EYS: variants seen among roughly 807,000 people sequenced by gnomAD.
The protein encoded by EYS is protein eyes shut homolog.
A neutral mutation model predicts 282.1 loss-of-function variants in EYS; 250 were observed. The ratio of observed to expected loss-of-function variants is 0.89; its 90% CI spans 0.80 to 0.98. The LOEUF is 0.98. EYS is among the 50% of genes least tolerant of loss of function. The pLI, the probability that EYS is intolerant of heterozygous loss-of-function variation, is 0.00. For synonymous variants in EYS, 1,355 were observed against 1,282.9 expected (o/e 1.06, Z -1.20); for missense variants, 4,016 against 3,709.0 (o/e 1.08, Z -2.15).
At chr6:64,780,809 T>A (rs1465070956) in intron 22 of EYS, among the ~76,000 whole-genome samples, 1 of 152,206 alleles carries the variant, frequency 6.6e-6, no homozygotes, top group Admixed American at 6.5e-5. Context: ...AAAAAAATTA[T>A]TCTATAGAGG....
intron 2 of EYS, among the ~76,000 whole-genome samples, chr6:65,518,589 T>C (rs1177840093): frequency 6.6e-6 from 1 of 152,176 alleles, no homozygotes; most frequent in Non-Finnish European, 1.5e-5. Context: ...TGTGGTATCA[T>C]CTTAAAATTA....
chr6:65,612,871 GT>G (rs200482422), intron 2 of EYS, among the ~76,000 whole-genome samples: 1 of 150,868 alleles, frequency 6.6e-6, no homozygotes, highest in Non-Finnish European at 1.5e-5. Flanking sequence ...TAAGTATTTT[GT>G]TTTTTTTACT....
In EYS at chr6:65,353,454, T is replaced by C. The variant is rs1449947745; in HGVS notation, c.1459+4A>G. 1.2e-6 allele frequency: 2 copies of C among 1,612,598 alleles called. No individual in the cohort carries two copies. Among genetic ancestry groups the C allele is most frequent in the Admixed American group, 3.3e-5 (2 of 59,976 alleles). On this transcript the variant is annotated splice_donor_region_variant and intron_variant, in intron 9 of 42. Coordinates refer to ENST00000503581, the MANE Select transcript of EYS (RefSeq NM_001142800.2). ...GATTGAAAAAAATTACATAAATTTG[T>C]TACCTGCAAATCCCAATTGCCACAC...
chr6:65,405,287 C>A lies in EYS; in HGVS notation c.943G>T (p.Ala315Ser), dbSNP rs771167869. Residue 315 changes from alanine (A) to serine (S), a missense_variant, in exon 6 of 43, where the codon GCT becomes TCT. Transcript: ENST00000503581. ...CCTTTTGGGCATTCATAAGTATAAG[C>A]AGAACTGCTATTTGGGCAAATTCCT... ...KRGICPNSSS[A>S]YTYECPKGSS... is the part of the protein sequence containing the mutation. 6.2e-7 allele frequency: 1 copy of A among 1,612,566 alleles called. No individual in the cohort carries two copies. The highest frequency in any genetic ancestry group is 1.3e-5 in the African/African-American group (1 of 74,632).
intron 2 of EYS, among the ~76,000 whole-genome samples, chr6:65,586,046 C>A (rs759309968): frequency 6.6e-6 from 1 of 151,926 alleles, no homozygotes; most frequent in Non-Finnish European, 1.5e-5. Context: ...TGGCCACTCA[C>A]TTATTTGGTG....
chr6:64,862,682 A>ATTTT (rs1766286974), intron 19 of EYS, among the ~76,000 whole-genome samples: 2 of 149,098 alleles, frequency 1.3e-5, no homozygotes, highest in South Asian at 4.2e-4. Context: ...AAAAATTATT[A>ATTTT]TTATTTTTTT....
intron 12 of EYS, among the ~76,000 whole-genome samples, chr6:65,206,422 A>T (rs1329571751): frequency 1.3e-5 from 2 of 151,714 alleles, no homozygotes; most frequent in Admixed American, 1.3e-4. Context: ...TAAGCCCAGG[A>T]CCAACAGATT....
At chr6:63,745,210 G>A (rs1769183416) in intron 41 of EYS, among the ~76,000 whole-genome samples, 1 of 152,174 alleles carries the variant, frequency 6.6e-6, no homozygotes, top group Non-Finnish European at 1.5e-5. Context: ...CACTTCATAT[G>A]TAAAAGGAGG....
At chr6:64,297,498 G>A (rs1769073491) in intron 30 of EYS, among the ~76,000 whole-genome samples, 1 of 152,134 alleles carries the variant, frequency 6.6e-6, no homozygotes, top group Non-Finnish European at 1.5e-5. Flanking sequence ...GAAAACTAAA[G>A]ACGAAGTGAA....
At chr6:65,638,402 T>A (rs1243567743) in intron 2 of EYS, among the ~76,000 whole-genome samples, 1 of 151,680 alleles carries the variant, frequency 6.6e-6, no homozygotes, top group Admixed American at 6.6e-5. Flanking sequence ...GGGCTGAAAC[T>A]CCCCCCGATC....
chr6:63,914,296 G>T (rs1764360922), intron 35 of EYS, among the ~76,000 whole-genome samples: 1 of 152,156 alleles, frequency 6.6e-6, no homozygotes, highest in Admixed American at 6.5e-5. Flanking sequence ...AGTGAGGAAG[G>T]CATGTAGAAA....
chr6:64,033,146 CTA>C (rs772057619), intron 33 of EYS, among the ~76,000 whole-genome samples: 1 of 152,188 alleles, frequency 6.6e-6, no homozygotes, highest in Non-Finnish European at 1.5e-5. Flanking sequence ...TAACAGCTGT[CTA>C]TATGTCTACT....
intron 36 of EYS, among the ~76,000 whole-genome samples, chr6:63,834,800 C>G (rs1488399973): frequency 6.6e-6 from 1 of 151,756 alleles, no homozygotes; most frequent in African/African-American, 2.4e-5. Flanking sequence ...TTGGAACCAA[C>G]CCAAATGTCC....
At chr6:63,881,576 A>G (rs1486912058) in intron 35 of EYS, among the ~76,000 whole-genome samples, 1 of 152,228 alleles carries the variant, frequency 6.6e-6, no homozygotes, top group Non-Finnish European at 1.5e-5. Flanking sequence ...ACTTAAAATT[A>G]TGTCTGAATA....
intron 12 of EYS, among the ~76,000 whole-genome samples, chr6:65,198,898 G>T (rs1437863940): frequency 6.6e-6 from 1 of 152,062 alleles, no homozygotes; most frequent in Non-Finnish European, 1.5e-5. Flanking sequence ...GGGTGCTGAG[G>T]CAAGAGACAT....
chr6:65,063,531 G>C (rs1773642850), intron 12 of EYS, among the ~76,000 whole-genome samples: 1 of 152,032 alleles, frequency 6.6e-6, no homozygotes, highest in Non-Finnish European at 1.5e-5. Context: ...AGTCAGAGCA[G>C]TAGCTCTTTC....
At chr6:65,286,906 G>A (rs1054619645) in intron 12 of EYS, among the ~76,000 whole-genome samples, 3 of 151,534 alleles carry the variant, frequency 2.0e-5, no homozygotes, top group Non-Finnish European at 4.4e-5. Flanking sequence ...ATTGTTGATT[G>A]ATTTCTTAAT....
chr6:65,223,219 T>A (rs182971004), intron 12 of EYS, among the ~76,000 whole-genome samples: 6 of 152,078 alleles, frequency 3.9e-5, no homozygotes, highest in South Asian at 2.1e-4. Flanking sequence ...CACAAAAAAT[T>A]AGCTGGGCGT....
chr6:64,024,005 C>A (rs1769340394), intron 33 of EYS, among the ~76,000 whole-genome samples: 1 of 152,202 alleles, frequency 6.6e-6, no homozygotes, highest in Non-Finnish European at 1.5e-5. Context: ...GCTCGCCATG[C>A]CTGAGCCTCC....
Sources: allele counts gnomAD v4.1 joint callset (sites outside exome capture counted in the v4.1 genomes callset), GRCh38; gene constraint gnomAD v4.1.1; transcripts MANE v1.5; gene names NCBI Gene and HGNC (gene_info 2026-07-23, HGNC 2026-07-21).